Variants in NKAIN1 observed in about 807,000 individuals in gnomAD.
The protein encoded by NKAIN1 is sodium/potassium-transporting ATPase subunit beta-1-interacting protein 1.
Under a neutral mutation model 31.6 loss-of-function variants are expected in NKAIN1, and 13 were observed. That is an observed-to-expected ratio of 0.41 (90% confidence interval 0.27 to 0.65). The LOEUF (loss-of-function observed/expected upper bound fraction) is 0.65, where lower values mean the gene tolerates loss of function less well. Among genes scored for constraint, NKAIN1 ranks in the 30% least tolerant of loss-of-function variants. The pLI is 0.30. For missense variants in NKAIN1, 193 were observed against 262.2 expected (o/e 0.74, Z 1.82); for synonymous variants, 104 against 109.0 (o/e 0.95, Z 0.28).
chr1:31,187,884 G>A (rs1645256616), intron 2 of NKAIN1, among the ~76,000 whole-genome samples, 166 bp downstream of exon 2: 3 of 152,004 alleles, frequency 2.0e-5, no homozygotes, highest in Non-Finnish European at 4.4e-5. Context: ...TCTCCTCTGA[G>A]CAAAGAAGCA....
Position 31,231,147 on chromosome 1 carries a change from G to A in NKAIN1, c.54+8347C>T, listed in dbSNP as rs560242186. Among the ~76,000 whole-genome samples, 43 of 152,024 alleles carry A rather than the reference G, an allele frequency of 2.8e-4. No individual in the cohort carries two copies. The South Asian group carries it at 3.7e-3, about 13-fold the overall frequency. On this transcript the variant is annotated intron_variant, in intron 1 of 6. Coordinates refer to ENST00000373736, the MANE Select transcript of NKAIN1 (RefSeq NM_024522.3). Reference sequence around the variant, plus strand: ...GATCCACCCGCCTCGGCCTCCCAGAGTGCTGGGATTACAGGTGTAAGCCAC... The same window carrying A: ...GATCCACCCGCCTCGGCCTCCCAGAATGCTGGGATTACAGGTGTAAGCCAC...
At position 31,180,604 on chromosome 1, in the gene NKAIN1, C is replaced by T. The variant is rs1184686412; in HGVS notation, c.*1099G>A. 6.6e-6 allele frequency: 1 copy of T among 152,470 alleles called. No homozygotes were observed. The highest frequency in any genetic ancestry group is 2.4e-5 in the African/African-American group (1 of 41,446). The allele number at this position is 152,470 out of a possible 1,614,324, so 9.4% of individuals were successfully genotyped here. The stretch of plus-strand genomic sequence containing the variant: ...GCTCCTCTCTGAAACCACAAGCCTT[C>T]CAACTGGTGAGGTGGATGGAGCCGT... On this transcript the variant is annotated 3_prime_UTR_variant, in exon 7 of 7. Coordinates refer to ENST00000373736, the MANE Select transcript of NKAIN1 (RefSeq NM_024522.3).
At chr1:31,225,079 G>A (rs1373067249) in intron 1 of NKAIN1, among the ~76,000 whole-genome samples, 1 of 138,298 alleles carries the variant, frequency 7.2e-6, no homozygotes, top group Non-Finnish European at 1.5e-5. Flanking sequence ...CCAGGCTGGA[G>A]TGCAGTGGCA....
intron 1 of NKAIN1, among the ~76,000 whole-genome samples, chr1:31,191,823 T>C (rs955081764): frequency 6.6e-6 from 1 of 152,126 alleles, no homozygotes. Context: ...TTTGCCCAGG[T>C]TGGGGTGCAA....
intron 1 of NKAIN1, among the ~76,000 whole-genome samples, chr1:31,211,874 G>A (rs1013392154): frequency 1.3e-5 from 2 of 152,080 alleles, no homozygotes; most frequent in African/African-American, 4.8e-5. Flanking sequence ...CCCAGGAGGC[G>A]GAGGTTGCAA....
chr1:31,197,269 G>A (rs1645335354), intron 1 of NKAIN1, among the ~76,000 whole-genome samples: 3 of 151,658 alleles, frequency 2.0e-5, no homozygotes, highest in Non-Finnish European at 2.9e-5. Context: ...CCACCAGCAC[G>A]CCCGGCTAAT....
rs572761976 is a variant in NKAIN1, at chr1:31,229,387, TG to T, written c.54+10106del. ...AATCAAAATATGCTACATGGGCATCTGGGGTGGGAGCAGTGCAGCCTATGTT... is the reference window on the plus strand; with the variant it reads ...AATCAAAATATGCTACATGGGCATCTGGGTGGGAGCAGTGCAGCCTATGTT... On this transcript the variant is annotated intron_variant, in intron 1 of 6. Transcript: ENST00000373736. 7.1e-4 allele frequency among the ~76,000 whole-genome samples: 108 copies of T among 152,176 alleles called. 1 individual carries two copies. Among genetic ancestry groups the T allele is most frequent in the African/African-American group, 2.4e-3 (101 of 41,516 alleles).
intron 1 of NKAIN1, among the ~76,000 whole-genome samples, chr1:31,189,597 G>A (rs1645270592): frequency 1.3e-5 from 2 of 152,186 alleles, no homozygotes; most frequent in Admixed American, 6.5e-5. Flanking sequence ...GATTATAGGC[G>A]TGAGCCACTG....
At chr1:31,209,631 C>T (rs1433585664) in intron 1 of NKAIN1, among the ~76,000 whole-genome samples, 1 of 151,994 alleles carries the variant, frequency 6.6e-6, no homozygotes, top group Non-Finnish European at 1.5e-5. Context: ...GCCTGGGCAA[C>T]ATAGTAAGAC....
Position 31,184,022 on chromosome 1 carries a change from C to A in NKAIN1, c.274-8G>T. 1 of 1,612,304 alleles carries A rather than the reference C, an allele frequency of 6.2e-7. No individual in the cohort carries two copies. The highest frequency in any genetic ancestry group is 8.5e-7 in the Non-Finnish European group (1 of 1,179,226). On this transcript the variant is annotated splice_region_variant and splice_polypyrimidine_tract_variant and intron_variant, in intron 3 of 6. Transcript: ENST00000373736. ...CATGATGAAGTCCCGGTCCTGGGGG[C>A]AAAGGGGCCTGGGATACTGAGTGTG...
At chr1:31,195,967 C>T (rs1299160578) in intron 1 of NKAIN1, among the ~76,000 whole-genome samples, 1 of 152,108 alleles carries the variant, frequency 6.6e-6, no homozygotes, top group Admixed American at 6.6e-5. Flanking sequence ...CTCTCACCCC[C>T]AAAACTACAT....
chr1:31,183,712 T>C (rs1645220754), intron 4 of NKAIN1, 105 bp downstream of exon 4: 1 of 1,217,268 alleles, frequency 8.2e-7, no homozygotes, highest in South Asian at 1.4e-5. Flanking sequence ...CCTCCCAAAG[T>C]GCTGGGATTG....
At chr1:31,193,687 T>C (rs1479243136) in intron 1 of NKAIN1, 1 of 151,924 alleles carries the variant, frequency 6.6e-6, no homozygotes, top group Non-Finnish European at 1.5e-5. Context: ...AAGTGCGAAA[T>C]TCGGTCTCAA....
chr1:31,212,871 C>A (rs1477495018), intron 1 of NKAIN1, among the ~76,000 whole-genome samples: 4 of 151,988 alleles, frequency 2.6e-5, no homozygotes, highest in African/African-American at 9.7e-5. Context: ...GTGGCAGGCG[C>A]CTGTAATCCC....
chr1:31,199,284 G>A (rs1027181611), intron 1 of NKAIN1, among the ~76,000 whole-genome samples: 5 of 152,186 alleles, frequency 3.3e-5, no homozygotes, highest in Admixed American at 2.0e-4. Context: ...CCCCCTCTCT[G>A]AGCCTCAGTT....
At chr1:31,205,300 T>TTTTG (rs200219178) in intron 1 of NKAIN1, among the ~76,000 whole-genome samples, 5,200 of 151,418 alleles carry the variant, frequency 0.034, 260 homozygotes, top group East Asian at 0.1. Context: ...CCAGCTAATT[T>TTTTG]TTTGTTTGTT....
intron 1 of NKAIN1, among the ~76,000 whole-genome samples, chr1:31,211,969 A>G (rs993900639): frequency 6.6e-6 from 1 of 152,040 alleles, no homozygotes; most frequent in African/African-American, 2.4e-5. Context: ...AAACAAAACA[A>G]AAATATATAT....
At chr1:31,225,325 CTT>C (rs139451212) in intron 1 of NKAIN1, among the ~76,000 whole-genome samples, 8,222 of 52,200 alleles carry the variant, frequency 0.16, 832 homozygotes, top group East Asian at 0.36. Context: ...CATGCCCGGC[CTT>C]TTTTTTTTTT....
intron 1 of NKAIN1, among the ~76,000 whole-genome samples, chr1:31,204,849 G>A (rs1439775182): frequency 6.6e-6 from 1 of 152,098 alleles, no homozygotes; most frequent in Non-Finnish European, 1.5e-5. Context: ...ATGGGGGGAA[G>A]GCCAGAATGA....
Sources: gnomAD v4.1 joint callset for allele counts (sites outside exome capture counted in the v4.1 genomes callset) on GRCh38, gnomAD v4.1.1 for gene constraint, MANE v1.5 for transcripts, NCBI Gene and HGNC (gene_info 2026-07-23, HGNC 2026-07-21) for gene names.